Variants in HGSNAT observed in about 807,000 individuals in gnomAD.
The protein encoded by HGSNAT is heparan-alpha-glucosaminide N-acetyltransferase.
Under a neutral mutation model 85.2 loss-of-function variants are expected in HGSNAT, and 59 were observed. The ratio of observed to expected loss-of-function variants is 0.69; its 90% CI spans 0.56 to 0.86. The LOEUF (loss-of-function observed/expected upper bound fraction) is 0.86, where lower values mean the gene tolerates loss of function less well. Ranked by LOEUF, HGSNAT falls within the 40% of genes least tolerant of loss-of-function variation. HGSNAT has a pLI of 0.00. For synonymous variants in HGSNAT, 321 were observed against 304.5 expected (o/e 1.05, Z -0.56); for missense variants, 756 against 777.1 (o/e 0.97, Z 0.32).
intron 11 of HGSNAT, among the ~76,000 whole-genome samples, chr8:43,188,592 C>G (rs766698717): frequency 6.6e-6 from 1 of 152,162 alleles, no homozygotes; most frequent in South Asian, 2.1e-4. Flanking sequence ...TTCAAACATC[C>G]TCCTTTAGCT....
Position 43,158,679 on chromosome 8 carries a change from G to GA in HGSNAT, c.341dup (p.Asn114LysfsTer11). ...CCCAGCACGGATCTATCCTGCAGCT[G>GA]AACGACACCTTGGAAGAGAAAGAAG... On this transcript the variant is annotated frameshift_variant, in exon 3 of 18. Transcript: ENST00000379644. LOFTEE classifies it high-confidence loss of function. The GA allele has an allele frequency of 6.2e-7, 1 of 1,611,416 alleles. No homozygotes were observed. Among genetic ancestry groups the GA allele is most frequent in the Non-Finnish European group, 8.5e-7 (1 of 1,178,508 alleles).
intron 7 of HGSNAT, among the ~76,000 whole-genome samples, chr8:43,171,207 C>T (rs1046902511): frequency 4.6e-5 from 7 of 152,232 alleles, no homozygotes; most frequent in Admixed American, 6.5e-5. Flanking sequence ...AACTGTATAG[C>T]GAAGAATAAA....
chr8:43,192,248 C>T (rs1804559443), intron 12 of HGSNAT, 56 bp from the exon 13 acceptor site: 2 of 1,549,040 alleles, frequency 1.3e-6, no homozygotes, highest in Admixed American at 2.0e-5. Flanking sequence ...TTATTCTTGT[C>T]CCTCTGTTCG....
chr8:43,191,387 T>C (rs2130804794), intron 11 of HGSNAT, 87 bp from the exon 12 acceptor site: 1 of 1,509,630 alleles, frequency 6.6e-7, no homozygotes. Flanking sequence ...AAGAAATGAG[T>C]CACCGGGAAT....
intron 1 of HGSNAT, among the ~76,000 whole-genome samples, chr8:43,145,241 CA>C (rs1802674181): frequency 6.6e-6 from 1 of 152,106 alleles, no homozygotes; most frequent in Non-Finnish European, 1.5e-5. Flanking sequence ...GCCCTCCCAC[CA>C]CCCTGCGTGC....
intron 2 of HGSNAT, among the ~76,000 whole-genome samples, chr8:43,158,167 C>T (rs1295344389): frequency 6.6e-6 from 1 of 152,036 alleles, no homozygotes; most frequent in Non-Finnish European, 1.5e-5. Flanking sequence ...GGCGTGATCT[C>T]AGCTCACTGC....
chr8:43,158,428 A>C, intron 2 of HGSNAT, 147 bp from the exon 3 acceptor site: 3 of 787,924 alleles, frequency 3.8e-6, no homozygotes, highest in Non-Finnish European at 6.0e-6. Flanking sequence ...AATAATAGGT[A>C]AATTTAAATT....
intron 1 of HGSNAT, 32 bp downstream of exon 1, chr8:43,140,646 G>A (rs144225438): frequency 3.6e-6 from 4 of 1,096,854 alleles, no homozygotes; most frequent in South Asian, 2.6e-5. Context: ...CCGCCCGGCC[G>A]GCTACGAGCG....
chr8:43,169,045 A>G (rs532600953), intron 5 of HGSNAT, 128 bp from the exon 6 acceptor site: 33 of 477,404 alleles, frequency 6.9e-5, no homozygotes, highest in South Asian at 4.2e-4. Flanking sequence ...TTGTTAAAAA[A>G]TGTTTAGAAT....
At chr8:43,180,067 C>A (rs1276738922) in intron 10 of HGSNAT, among the ~76,000 whole-genome samples, 1 of 122,490 alleles carries the variant, frequency 8.2e-6, no homozygotes, top group Admixed American at 7.3e-5. Context: ...GGGGGCTGAC[C>A]CCCCCACCTC....
chr8:43,162,695 G>T (rs1803304439), intron 5 of HGSNAT, among the ~76,000 whole-genome samples: 1 of 151,860 alleles, frequency 6.6e-6, no homozygotes, highest in African/African-American at 2.4e-5. Context: ...GGGACTACAG[G>T]CATGCATCAC....
rs1804754329 is a variant in HGSNAT, at chr8:43,197,218, T to G, written c.1542+193T>G. 8.3e-6 allele frequency: 5 copies of G among 600,528 alleles called. No homozygotes were observed. The South Asian group carries it at 1.0e-4, about 12-fold the overall frequency. 37.2% of individuals were successfully genotyped at this position (600,528 alleles called of 1,614,324 possible). The stretch of plus-strand genomic sequence containing the variant: ...ACAGATTTATTTTCTTAGGAAAATG[T>G]CTTTATCAATAAGGCAGTGTTTGCC... On this transcript the variant is annotated intron_variant, in intron 15 of 17. Coordinates refer to ENST00000379644, the MANE Select transcript of HGSNAT (RefSeq NM_152419.3).
intron 1 of HGSNAT, among the ~76,000 whole-genome samples, chr8:43,142,255 G>C (rs1463343249): frequency 6.6e-6 from 1 of 152,104 alleles, no homozygotes; most frequent in East Asian, 1.9e-4. Flanking sequence ...CCAAGACGAG[G>C]TAGACCAGAG....
Position 43,199,960 on chromosome 8 carries a change from T to C in HGSNAT, c.*391T>C, listed in dbSNP as rs905964035. The C allele has an allele frequency of 1.9e-5, 3 of 158,362 alleles. No individual in the cohort carries two copies. The highest frequency in any genetic ancestry group is 4.1e-5 in the Non-Finnish European group (3 of 72,470). 9.8% of individuals were successfully genotyped at this position (158,362 alleles called of 1,614,324 possible). On this transcript the variant is annotated 3_prime_UTR_variant, in exon 18 of 18. Coordinates refer to ENST00000379644, the MANE Select transcript of HGSNAT (RefSeq NM_152419.3). ...TTGCCCTGCAAACTTCCTTTCCACG[T>C]GTACGCGCACACCAACACGAAATGC...
chr8:43,149,543 AC>A (rs1802828823), intron 2 of HGSNAT, among the ~76,000 whole-genome samples: 1 of 151,952 alleles, frequency 6.6e-6, no homozygotes, highest in African/African-American at 2.4e-5. Flanking sequence ...CTGAAAAAAT[AC>A]GAAAAGTTAG....
chr8:43,175,025 T>A (rs144333261), intron 9 of HGSNAT, among the ~76,000 whole-genome samples: 1 of 152,362 alleles, frequency 6.6e-6, no homozygotes, highest in East Asian at 1.9e-4. Flanking sequence ...TAACATAATG[T>A]CCTCGAGTTC....
intron 10 of HGSNAT, among the ~76,000 whole-genome samples, chr8:43,179,842 T>C (rs1268224992): frequency 1.7e-4 from 7 of 41,100 alleles, no homozygotes; most frequent in African/African-American, 2.1e-4. Context: ...GGGGGGCTGA[T>C]CCCCCCACCT....
intron 14 of HGSNAT, among the ~76,000 whole-genome samples, chr8:43,195,521 A>AGAG (rs376936580): frequency 0.028 from 3,461 of 121,922 alleles, 136 homozygotes; most frequent in African/African-American, 0.098. Context: ...AGGAGGAAGA[A>AGAG]GAGGAGGAAG....
chr8:43,151,651 T>C (rs1294584115), intron 2 of HGSNAT, among the ~76,000 whole-genome samples: 1 of 152,118 alleles, frequency 6.6e-6, no homozygotes, highest in Non-Finnish European at 1.5e-5. Context: ...CAAACTAATA[T>C]AATAAGGGTT....
Sources: allele counts gnomAD v4.1 joint callset (sites outside exome capture counted in the v4.1 genomes callset), GRCh38; gene constraint gnomAD v4.1.1; transcripts MANE v1.5; gene names NCBI Gene and HGNC (gene_info 2026-07-23, HGNC 2026-07-21).